Variants in GAREM1 observed in about 807,000 individuals in gnomAD.
GAREM1 encodes GRB2 associated regulator of MAPK1 subtype 1.
In GAREM1, 26 loss-of-function variants were observed where a neutral mutation model predicts 71.3. The ratio of observed to expected loss-of-function variants is 0.36; its 90% CI spans 0.27 to 0.51. GAREM1 has a LOEUF of 0.51. GAREM1 is among the 20% of genes least tolerant of loss of function. The probability of loss-of-function intolerance (pLI) is 0.95; values close to 1 mark genes in which losing one functional copy is unlikely to be tolerated. For synonymous variants in GAREM1, 440 were observed against 433.2 expected, an observed-to-expected ratio of 1.02 and a Z score of -0.20; for missense variants, 1,026 against 1,103.1, an observed-to-expected ratio of 0.93 and a Z score of 0.99.
intron 1 of GAREM1, among the ~76,000 whole-genome samples, chr18:32,438,004 A>G (rs1354030493): frequency 6.6e-6 from 1 of 151,976 alleles, no homozygotes; most frequent in Non-Finnish European, 1.5e-5. Context: ...AAATAACCCA[A>G]CCCCAGCACC....
At chr18:32,369,158 A>T (rs1253558595) in intron 2 of GAREM1, among the ~76,000 whole-genome samples, 1 of 152,242 alleles carries the variant, frequency 6.6e-6, no homozygotes, top group Non-Finnish European at 1.5e-5. Context: ...AGTGAAAGGC[A>T]AAGCTAATTC....
chr18:32,440,640 T>C (rs988228356), intron 1 of GAREM1, among the ~76,000 whole-genome samples: 2 of 152,220 alleles, frequency 1.3e-5, no homozygotes, highest in African/African-American at 2.4e-5. Flanking sequence ...CAGATGGCGG[T>C]TGTGATGTAT....
At chr18:32,365,021 A>G (rs1423347218) in intron 2 of GAREM1, among the ~76,000 whole-genome samples, 3 of 152,204 alleles carry the variant, frequency 2.0e-5, no homozygotes, top group Non-Finnish European at 2.9e-5. Context: ...GTGGCAAAGC[A>G]AAAACTCACA....
At chr18:32,342,759 T>C (rs1392098242) in intron 2 of GAREM1, among the ~76,000 whole-genome samples, 5 of 152,178 alleles carry the variant, frequency 3.3e-5, no homozygotes, top group Non-Finnish European at 7.3e-5. Flanking sequence ...CACATCCAAA[T>C]GTCTGTTGAA....
chr18:32,448,970 A>G (rs1196235136), intron 1 of GAREM1, among the ~76,000 whole-genome samples: 1 of 152,216 alleles, frequency 6.6e-6, no homozygotes, highest in Non-Finnish European at 1.5e-5. Context: ...TTCAATAAAG[A>G]TGATGGACAG....
At chr18:32,308,199 A>ATATGGCATGAACCAGGGAGGCG (rs1555633177) in intron 3 of GAREM1, among the ~76,000 whole-genome samples, 1 of 151,126 alleles carries the variant, frequency 6.6e-6, no homozygotes, top group African/African-American at 2.4e-5. Flanking sequence ...TGAGCCTTTG[A>ATATGGCATGAACCAGGGAGGCG]ACTCTTAAAT....
intron 1 of GAREM1, among the ~76,000 whole-genome samples, chr18:32,450,906 T>G (rs1250269639): frequency 6.6e-6 from 1 of 152,012 alleles, no homozygotes; most frequent in Non-Finnish European, 1.5e-5. Flanking sequence ...TCCCAGCACT[T>G]TGGAAGGCTG....
intron 2 of GAREM1, among the ~76,000 whole-genome samples, chr18:32,367,900 T>C (rs1195540227): frequency 6.6e-6 from 1 of 152,140 alleles, no homozygotes; most frequent in Non-Finnish European, 1.5e-5. Context: ...GAGAAGGGCG[T>C]TCCTGAGACA....
At chr18:32,274,477 C>A (rs1030417543) in intron 4 of GAREM1, among the ~76,000 whole-genome samples, 3 of 152,178 alleles carry the variant, frequency 2.0e-5, no homozygotes, top group Admixed American at 2.0e-4. Context: ...CTTCTGGAAG[C>A]CTCAGCATGT....
chr18:32,375,790 C>T (rs565193017), intron 2 of GAREM1, among the ~76,000 whole-genome samples: 6 of 151,180 alleles, frequency 4.0e-5, no homozygotes, highest in Admixed American at 3.9e-4. Context: ...GGAATATAAT[C>T]GATTTGCTCA....
rs751254822 is a variant in GAREM1, at chr18:32,268,388, C to G, written c.2114G>C (p.Ser705Thr). 3 of 1,614,214 alleles carry G rather than the reference C, an allele frequency of 1.9e-6. No individual in the cohort carries two copies. In the South Asian group the frequency reaches 3.3e-5, roughly 18 times the overall value. Residue 705 changes from serine (S) to threonine (T), a missense_variant, in exon 6 of 6, where the codon AGC (serine) becomes ACC (threonine). Ser to Thr is a moderately conservative substitution (Grantham distance 58, BLOSUM62 1). Coordinates refer to ENST00000269209, the MANE Select transcript of GAREM1 (RefSeq NM_001242409.2). ...CPKSASYSLE[S>T]TDVKSLAAGV... ...AGCTGCAAGAGATTTCACATCTGTG[C>G]TCTCCAGAGAGTAGCTGGCTGACTT...
chr18:32,452,853 G>GA (rs1555648289), intron 1 of GAREM1, among the ~76,000 whole-genome samples: 1 of 147,222 alleles, frequency 6.8e-6, no homozygotes, highest in East Asian at 2.0e-4. Flanking sequence ...TAACTTCTAC[G>GA]TTTTTTTTTT....
In GAREM1 at chr18:32,274,146, C is replaced by T. The variant is rs2041505430; in HGVS notation, c.1567-3763G>A. ...CATGGGTGGCCGCTCCGATGATGGCCTATTTCTCTGCATCTTAAGGGAAGA... is the reference window on the plus strand; with the variant it reads ...CATGGGTGGCCGCTCCGATGATGGCTTATTTCTCTGCATCTTAAGGGAAGA... On this transcript the variant is annotated intron_variant, in intron 4 of 5. Coordinates refer to ENST00000269209, the MANE Select transcript of GAREM1 (RefSeq NM_001242409.2). 3.9e-5 allele frequency among the ~76,000 whole-genome samples: 6 copies of T among 152,230 alleles called. 1 individual carries two copies. In the South Asian group the frequency reaches 1.2e-3, roughly 32 times the overall value.
chr18:32,453,376 T>C (rs1220877210), intron 1 of GAREM1, among the ~76,000 whole-genome samples: 2 of 152,116 alleles, frequency 1.3e-5, no homozygotes, highest in East Asian at 3.9e-4. Context: ...TACCACAAAC[T>C]GAATGGCATC....
chr18:32,306,219 T>C (rs533239939), intron 3 of GAREM1, among the ~76,000 whole-genome samples: 3 of 152,324 alleles, frequency 2.0e-5, no homozygotes, highest in Admixed American at 1.3e-4. Flanking sequence ...CATTCCTTCT[T>C]GAATCTTGGC....
intron 1 of GAREM1, among the ~76,000 whole-genome samples, chr18:32,423,046 C>T (rs972234407): frequency 6.6e-6 from 1 of 152,170 alleles, no homozygotes; most frequent in African/African-American, 2.4e-5. Flanking sequence ...AGCACATAAA[C>T]ATTGACCTAA....
At chr18:32,332,566 C>A (rs1284613957) in intron 2 of GAREM1, among the ~76,000 whole-genome samples, 2 of 152,046 alleles carry the variant, frequency 1.3e-5, no homozygotes, top group Non-Finnish European at 2.9e-5. Context: ...GGCAGCTGGA[C>A]AAGGAGGGCT....
At chr18:32,377,974 G>A (rs953952848) in intron 2 of GAREM1, among the ~76,000 whole-genome samples, 6 of 151,526 alleles carry the variant, frequency 4.0e-5, no homozygotes, top group Non-Finnish European at 7.4e-5. Context: ...CAGGCTTTGG[G>A]ATCTCAGCCA....
At chr18:32,368,848 A>G (rs562801296) in intron 2 of GAREM1, among the ~76,000 whole-genome samples, 1 of 152,338 alleles carries the variant, frequency 6.6e-6, no homozygotes, top group African/African-American at 2.4e-5. Flanking sequence ...TGGTAATAAC[A>G]CCAGTAAAAT....
Sources: gnomAD v4.1 joint callset for allele counts (sites outside exome capture counted in the v4.1 genomes callset) on GRCh38, gnomAD v4.1.1 for gene constraint, MANE v1.5 for transcripts, NCBI Gene and HGNC (gene_info 2026-07-23, HGNC 2026-07-21) for gene names.